The following CRMP1 variants were observed in gnomAD, a reference collection of about 807,000 sequenced individuals.
The protein encoded by CRMP1 is collapsin response mediator protein 1.
Under a neutral mutation model 68.3 loss-of-function variants are expected in CRMP1, and 19 were observed. That is an observed-to-expected ratio of 0.28 (90% CI 0.19 to 0.41). The LOEUF (loss-of-function observed/expected upper bound fraction) is 0.41, where lower values mean the gene tolerates loss of function less well. Among genes scored for constraint, CRMP1 ranks in the 10% least tolerant of loss-of-function variants. The pLI is 1.00. For synonymous variants in CRMP1, 439 were observed against 399.6 expected (o/e 1.10, Z -1.18); for missense variants, 791 against 967.4 (o/e 0.82, Z 2.42).
In CRMP1 at chr4:5,825,302, C is replaced by A; in HGVS notation, c.1969+192G>T. On this transcript the variant is annotated intron_variant, in intron 13 of 13. Transcript: ENST00000324989. The surrounding 1 kb of genome is among the most constrained non-coding windows in gnomAD (Gnocchi z 4.4). ...CACCATGTTGCCCCCCTAACATGGACCCCCCTCTGCTTGGTGACCATGCCA... is the reference window on the plus strand; with the variant it reads ...CACCATGTTGCCCCCCTAACATGGAACCCCCTCTGCTTGGTGACCATGCCA... The A allele has an allele frequency of 1.0e-6, 1 of 985,152 alleles. No individual in the cohort carries two copies. The allele number at this position is 985,152 out of a possible 1,614,324, so 61.0% of individuals were successfully genotyped here. A position where few individuals can be genotyped will look rare whatever the true frequency, so the allele number is the denominator to read the frequency against.
At position 5,843,234 on chromosome 4, in the gene CRMP1, T is replaced by G; in HGVS notation, c.964-73A>C. The G allele has an allele frequency of 6.6e-7, 1 of 1,513,600 alleles. No individual in the cohort carries two copies. The highest frequency in any genetic ancestry group is 1.1e-5 in the South Asian group (1 of 88,668). The allele number at this position is 1,513,600 out of a possible 1,614,324, so 93.8% of individuals were successfully genotyped here. A position where few individuals can be genotyped will look rare whatever the true frequency, so the allele number is the denominator to read the frequency against. ...GGGAGAAGTGACTCCTCCAACCCCC[T>G]GGTTAGACAGAGGGGGCAGCTGGGT... is the stretch of plus-strand genomic sequence containing the variant. On this transcript the variant is annotated intron_variant, in intron 6 of 13. Transcript: ENST00000324989. This position sits in a 1 kb window ranked among gnomAD's most constrained non-coding sequence, Gnocchi z 4.1.
intron 1 of CRMP1, among the ~76,000 whole-genome samples, chr4:5,882,519 C>CTATTTTAAGCATCTTACACA (rs1308199873): frequency 6.6e-6 from 1 of 152,168 alleles, no homozygotes; most frequent in African/African-American, 2.4e-5. Flanking sequence ...TGTGCAGGCA[C>CTATTTTAAGCATCTTACACA]TATTTTAAGC....
chr4:5,865,657 C>A lies in CRMP1; in HGVS notation c.470+1011G>T, dbSNP rs1249895753. On this transcript the variant is annotated intron_variant, in intron 2 of 13. Transcript: ENST00000324989. This position sits in a 1 kb window ranked among gnomAD's most constrained non-coding sequence, Gnocchi z 4.1. ...AAAAAAGAAGGCCGCCGCCTACAGA[C>A]CCCTGCCTGGCGTTATGGACTGAAT... is the stretch of plus-strand genomic sequence containing the variant. 6.6e-6 allele frequency among the ~76,000 whole-genome samples: 1 copy of A among 151,684 alleles called. No individual in the cohort carries two copies. The highest frequency in any genetic ancestry group is 1.5e-5 in the Non-Finnish European group (1 of 67,964).
chr4:5,864,524 G>A lies in CRMP1; in HGVS notation c.470+2144C>T, dbSNP rs1450650479. Among the ~76,000 whole-genome samples the A allele has an allele frequency of 2.6e-5, 4 of 152,182 alleles. No individual in the cohort carries two copies. In the South Asian group the frequency reaches 6.2e-4, roughly 24 times the overall value. On this transcript the variant is annotated intron_variant, in intron 2 of 13. Transcript: ENST00000324989. ...TGATGGCCAGCATTCATTTGTTTGCGCTTTCCCTGAATCGGTGCTCCAGGA... is the reference window on the plus strand; with the variant it reads ...TGATGGCCAGCATTCATTTGTTTGCACTTTCCCTGAATCGGTGCTCCAGGA...
chr4:5,852,625 A>G (rs1456010045), intron 4 of CRMP1, among the ~76,000 whole-genome samples: 1 of 152,240 alleles, frequency 6.6e-6, no homozygotes, highest in East Asian at 1.9e-4. Flanking sequence ...TCATGAAATC[A>G]ATCAGCTGGT....
At chr4:5,831,123 A>AT (rs1202904575) in intron 11 of CRMP1, among the ~76,000 whole-genome samples, 4 of 151,600 alleles carry the variant, frequency 2.6e-5, no homozygotes, top group Non-Finnish European at 4.4e-5. Context: ...TAATTTTTTT[A>AT]TTTTTTTGTA....
intron 12 of CRMP1, 95 bp downstream of exon 12, chr4:5,828,394 A>C: frequency 6.7e-7 from 1 of 1,495,782 alleles, no homozygotes; most frequent in Non-Finnish European, 8.9e-7. Flanking sequence ...GGGCGATGAC[A>C]TTATTAACTC....
rs35551598 is a variant in CRMP1 at position 5,854,399 on chromosome 4, G to GTTTT, written c.820+1740_820+1743dup. On this transcript the variant is annotated intron_variant, in intron 4 of 13. Coordinates refer to ENST00000324989, the MANE Select transcript of CRMP1 (RefSeq NM_001014809.3). The surrounding 1 kb of genome is among the most constrained non-coding windows in gnomAD (Gnocchi z 4.0). ...GGCGTACACCACCACTCCTGGCTAT[G>GTTTT]TTTTTTTTTTTTTTTTTTTTTTTTT... Among the ~76,000 whole-genome samples the GTTTT allele has an allele frequency of 6.9e-3, 490 of 70,858 alleles. 9 individuals carry two copies. Among genetic ancestry groups the GTTTT allele is most frequent in the African/African-American group, 0.028 (464 of 16,524 alleles). The allele number at this position is 70,858 out of a possible 152,430, so 46.5% of individuals were successfully genotyped here. A position where few individuals can be genotyped will look rare whatever the true frequency, so the allele number is the denominator to read the frequency against.
intron 1 of CRMP1, among the ~76,000 whole-genome samples, chr4:5,873,817 G>A (rs1022230882): frequency 6.6e-6 from 1 of 152,152 alleles, no homozygotes; most frequent in African/African-American, 2.4e-5. Context: ...GCTGAAGGGT[G>A]ACCTCAAAGT....
Position 5,861,209 on chromosome 4 carries a change from G to T in CRMP1, c.472C>A (p.Gln158Lys). Reference protein sequence around the residue: ...DVYLEDGLIKQIGENLIVPGG... With the variant: ...DVYLEDGLIKKIGENLIVPGG... ...GGAACGATTAAGTTCTCTCCTATTT[G>T]TCTGGAGGCAAACAACAGAGACAGC... Residue 158 changes from glutamine (Q) to lysine (K), a missense_variant and splice_region_variant, in exon 3 of 14, where the codon CAA becomes AAA. Coordinates refer to ENST00000324989, the MANE Select transcript of CRMP1 (RefSeq NM_001014809.3). The surrounding 1 kb of genome is among the most constrained non-coding windows in gnomAD (Gnocchi z 6.0). The T allele has an allele frequency of 6.2e-7, 1 of 1,612,490 alleles. No homozygotes were observed. Among genetic ancestry groups the T allele is most frequent in the Non-Finnish European group, 8.5e-7 (1 of 1,179,144 alleles).
At chr4:5,845,843 C>T (rs1175049272) in intron 6 of CRMP1, among the ~76,000 whole-genome samples, 1 of 152,092 alleles carries the variant, frequency 6.6e-6, no homozygotes. Context: ...GAAATAGGGC[C>T]TCTGAGGACA....
At chr4:5,837,805 G>C (rs1324152834) in intron 9 of CRMP1, among the ~76,000 whole-genome samples, 1 of 152,092 alleles carries the variant, frequency 6.6e-6, no homozygotes, top group Non-Finnish European at 1.5e-5. Flanking sequence ...TAGATGCAGA[G>C]GAGTATATTT....
chr4:5,866,845 A>G lies in CRMP1; in HGVS notation c.382-89T>C. The G allele has an allele frequency of 2.2e-6, 2 of 929,058 alleles. No homozygotes were observed. The highest frequency in any genetic ancestry group is 5.6e-5 in the East Asian group (2 of 35,544). 57.6% of individuals were successfully genotyped at this position (929,058 alleles called of 1,614,324 possible). A position where few individuals can be genotyped will look rare whatever the true frequency, so the allele number is the denominator to read the frequency against. ...TAATTTTTAATATAAGAATTATCAAATATTTTCAAAAGTAAAGGCATTTAA... is the reference window on the plus strand; with the variant it reads ...TAATTTTTAATATAAGAATTATCAAGTATTTTCAAAAGTAAAGGCATTTAA... On this transcript the variant is annotated intron_variant, in intron 1 of 13. Coordinates refer to ENST00000324989, the MANE Select transcript of CRMP1 (RefSeq NM_001014809.3). The surrounding 1 kb of genome is among the most constrained non-coding windows in gnomAD (Gnocchi z 5.9).
At chr4:5,827,625 C>A (rs922939032) in intron 12 of CRMP1, among the ~76,000 whole-genome samples, 1 of 150,084 alleles carries the variant, frequency 6.7e-6, no homozygotes, top group African/African-American at 2.5e-5. Flanking sequence ...CACGCGCACA[C>A]ACACACACTC....
chr4:5,828,346 C>G, intron 12 of CRMP1, 143 bp downstream of exon 12: 3 of 1,434,004 alleles, frequency 2.1e-6, no homozygotes, highest in Non-Finnish European at 2.7e-6. Context: ...AGGCCAGCGT[C>G]TCAACCCATT....
chr4:5,828,169 T>TGGGCAGGATTACTTAAGATG, intron 12 of CRMP1: 1 of 985,306 alleles, frequency 1.0e-6, no homozygotes, highest in Non-Finnish European at 1.2e-6. Flanking sequence ...CTCCCGTGGG[T>TGGGCAGGATTACTTAAGATG]GGGCAGGATT....
chr4:5,891,288 G>A lies in CRMP1; in HGVS notation c.381+1301C>T, dbSNP rs887278350. Reference sequence around the variant, plus strand: ...AGAGCTCTGGAGCAACAGCCCGCCCGCGAAGGGATGGGGCCCGAAGAGGCC... The same window carrying A: ...AGAGCTCTGGAGCAACAGCCCGCCCACGAAGGGATGGGGCCCGAAGAGGCC... On this transcript the variant is annotated intron_variant, in intron 1 of 13. Transcript: ENST00000324989. This position sits in a 1 kb window ranked among gnomAD's most constrained non-coding sequence, Gnocchi z 5.2. 6.6e-6 allele frequency among the ~76,000 whole-genome samples: 1 copy of A among 151,506 alleles called. No homozygotes were observed. The highest frequency in any genetic ancestry group is 1.5e-5 in the Non-Finnish European group (1 of 67,958).
rs553515682 is a variant in CRMP1 at position 5,888,062 on chromosome 4, C to T, written c.381+4527G>A. ...CCCCCACCCCCATTGTCCCCAGAGGCTGGGGGAGGGGGCTGAAATCCCGAG... is the reference window on the plus strand; with the variant it reads ...CCCCCACCCCCATTGTCCCCAGAGGTTGGGGGAGGGGGCTGAAATCCCGAG... On this transcript the variant is annotated intron_variant, in intron 1 of 13. Transcript: ENST00000324989. This position sits in a 1 kb window ranked among gnomAD's most constrained non-coding sequence, Gnocchi z 6.4. 2.8e-3 allele frequency among the ~76,000 whole-genome samples: 430 copies of T among 151,928 alleles called. 4 individuals are homozygous for T. The highest frequency in any genetic ancestry group is 9.8e-3 in the African/African-American group (405 of 41,504).
intron 1 of CRMP1, among the ~76,000 whole-genome samples, chr4:5,869,520 A>C (rs955970205): frequency 6.6e-6 from 1 of 151,458 alleles, no homozygotes; most frequent in East Asian, 1.9e-4. Context: ...ATCTCTACTA[A>C]AAATACAAAA....
Sources: allele counts gnomAD v4.1 joint callset (sites outside exome capture counted in the v4.1 genomes callset), GRCh38; gene constraint gnomAD v4.1.1; non-coding constraint Gnocchi (gnomAD v3.1); transcripts MANE v1.5; gene names NCBI Gene and HGNC (gene_info 2026-07-23, HGNC 2026-07-21).